Variants in SPSB1 observed in about 807,000 individuals in gnomAD.
SPSB1 encodes the protein SPRY domain-containing SOCS box protein 1.
In SPSB1, 8 loss-of-function variants were observed where a neutral mutation model predicts 21.2. That is an observed-to-expected ratio of 0.38 (90% CI 0.22 to 0.68). SPSB1 has a LOEUF of 0.68. SPSB1 is among the 30% of genes least tolerant of loss of function. The pLI, the probability that SPSB1 is intolerant of heterozygous loss-of-function variation, is 0.53. For missense variants in SPSB1, 242 were observed against 377.8 expected (o/e 0.64, Z 2.98); for synonymous variants, 169 against 161.7 (o/e 1.05, Z -0.34).
rs34507567 is a variant in SPSB1 at position 9,311,160 on chromosome 1, GTTT to G, written c.-150+18105_-150+18107del. Among the ~76,000 whole-genome samples, 242 of 133,550 alleles carry G rather than the reference GTTT, an allele frequency of 1.8e-3. 1 individual carries two copies. Among genetic ancestry groups the G allele is most frequent in the African/African-American group, 5.8e-3 (206 of 35,340 alleles). 87.6% of individuals were successfully genotyped at this position (133,550 alleles called of 152,430 possible). A position where few individuals can be genotyped will look rare whatever the true frequency, so the allele number is the denominator to read the frequency against. Reference sequence around the variant, plus strand: ...GTGTCTAGACAGCGCAGGATAAAGGGTTTTTTTTTTTTTTTTTTAATGCCTTCA... The same window carrying G: ...GTGTCTAGACAGCGCAGGATAAAGGGTTTTTTTTTTTTTTTAATGCCTTCA... On this transcript the variant is annotated intron_variant, in intron 1 of 2. Coordinates refer to ENST00000328089, the MANE Select transcript of SPSB1 (RefSeq NM_025106.4).
chr1:9,313,689 G>A (rs1246599782), intron 1 of SPSB1, among the ~76,000 whole-genome samples: 3 of 152,336 alleles, frequency 2.0e-5, no homozygotes, highest in Non-Finnish European at 4.4e-5. Context: ...AGTGAGCACA[G>A]GCAGGAAGGT....
Position 9,346,420 on chromosome 1 carries a change from G to C in SPSB1, c.-149-9323G>C, listed in dbSNP as rs1219161036. 6.6e-6 allele frequency among the ~76,000 whole-genome samples: 1 copy of C among 152,192 alleles called. No individual in the cohort carries two copies. Among genetic ancestry groups the C allele is most frequent in the Admixed American group, 6.5e-5 (1 of 15,284 alleles). ...ACCCACCTCTGTGCATCCTTTACCTGCCCTTTCTGTCTGTCTGTCCCCAGT... is the reference window on the plus strand; with the variant it reads ...ACCCACCTCTGTGCATCCTTTACCTCCCCTTTCTGTCTGTCTGTCCCCAGT... On this transcript the variant is annotated intron_variant, in intron 1 of 2. Coordinates refer to ENST00000328089, the MANE Select transcript of SPSB1 (RefSeq NM_025106.4). The surrounding 1 kb of genome is among the most constrained non-coding windows in gnomAD (Gnocchi z 4.4).
At position 9,293,956 on chromosome 1, in the gene SPSB1, GTGTA is replaced by G. The variant is rs1007954732; in HGVS notation, c.-150+887_-150+890del. The stretch of plus-strand genomic sequence containing the variant: ...TGTGAGTGTGTCTCTAAGTGCATCT[GTGTA>G]TTTATGTGCCTCTGAGTGTGTGTGT... On this transcript the variant is annotated intron_variant, in intron 1 of 2. Coordinates refer to ENST00000328089, the MANE Select transcript of SPSB1 (RefSeq NM_025106.4). This position sits in a 1 kb window ranked among gnomAD's most constrained non-coding sequence, Gnocchi z 5.1. Among the ~76,000 whole-genome samples the G allele has an allele frequency of 1.3e-4, 20 of 152,040 alleles. No individual in the cohort carries two copies. The highest frequency in any genetic ancestry group is 4.8e-4 in the African/African-American group (20 of 41,382).
intron 2 of SPSB1, among the ~76,000 whole-genome samples, chr1:9,359,375 G>C (rs571405398): frequency 6.6e-6 from 1 of 152,320 alleles, no homozygotes; most frequent in South Asian, 2.1e-4. Flanking sequence ...CGACACCTCT[G>C]GACGCTTATT....
rs557118972 is a variant in SPSB1, at chr1:9,363,651, T to G, written c.695-3797T>G. ...GGGCTGCGGTGTCAGCCACTCAAAA[T>G]AAGGCACTGGATGGAGCTGGGGGCT... is the stretch of plus-strand genomic sequence containing the variant. On this transcript the variant is annotated intron_variant, in intron 2 of 2. Transcript: ENST00000328089. The surrounding 1 kb of genome is among the most constrained non-coding windows in gnomAD (Gnocchi z 4.5). 6.6e-6 allele frequency among the ~76,000 whole-genome samples: 1 copy of G among 152,122 alleles called. No homozygotes were observed. Among genetic ancestry groups the G allele is most frequent in the East Asian group, 1.9e-4 (1 of 5,178 alleles).
intron 1 of SPSB1, among the ~76,000 whole-genome samples, chr1:9,326,637 C>T (rs939042910): frequency 2.0e-5 from 3 of 152,208 alleles, no homozygotes; most frequent in Admixed American, 6.5e-5. Context: ...GCTGAGGCTC[C>T]TGTGCCCCGT....
chr1:9,322,651 C>T (rs1211801167), intron 1 of SPSB1, among the ~76,000 whole-genome samples: 1 of 152,126 alleles, frequency 6.6e-6, no homozygotes, highest in Non-Finnish European at 1.5e-5. Context: ...AATCTTGGGC[C>T]AGATTCTGGG....
At chr1:9,343,902 C>T (rs998639846) in intron 1 of SPSB1, among the ~76,000 whole-genome samples, 2 of 152,188 alleles carry the variant, frequency 1.3e-5, no homozygotes, top group African/African-American at 4.8e-5. Context: ...TCTCCTGCCT[C>T]AGCCTCCCAA....
Position 9,293,430 on chromosome 1 carries a change from G to T in SPSB1, c.-150+359G>T, listed in dbSNP as rs1424136689. On this transcript the variant is annotated intron_variant, in intron 1 of 2. Transcript: ENST00000328089. The surrounding 1 kb of genome is among the most constrained non-coding windows in gnomAD (Gnocchi z 5.1). ...CCCGAGGAGGGGCTGGGGCGCTCCG[G>T]GGCCGCCGACCCGTCCCCCCTTTAG... Among the ~76,000 whole-genome samples the T allele has an allele frequency of 2.0e-5, 3 of 151,598 alleles. No homozygotes were observed. The highest frequency in any genetic ancestry group is 4.4e-5 in the Non-Finnish European group (3 of 67,742).
At chr1:9,365,102 C>G (rs1442097522) in intron 2 of SPSB1, among the ~76,000 whole-genome samples, 1 of 152,182 alleles carries the variant, frequency 6.6e-6, no homozygotes, top group Non-Finnish European at 1.5e-5. Context: ...GGTAATGCGC[C>G]GGCCTCGGCC....
Position 9,356,531 on chromosome 1 carries a change from A to C in SPSB1, c.640A>C (p.Ser214Arg). The C allele has an allele frequency of 6.2e-7, 1 of 1,607,770 alleles. No individual in the cohort carries two copies. Among genetic ancestry groups the C allele is most frequent in the Non-Finnish European group, 8.5e-7 (1 of 1,174,908 alleles). Residue 214 changes from serine (S) to arginine (R), a missense_variant, in exon 2 of 3, where the codon AGT (serine) becomes CGT (arginine). Coordinates refer to ENST00000328089, the MANE Select transcript of SPSB1 (RefSeq NM_025106.4). This position sits in a 1 kb window ranked among gnomAD's most constrained non-coding sequence, Gnocchi z 7.4. ...LKGKKLYPVV[S>R]AVWGHCEIRM... ...GGGCAAAAAACTGTATCCTGTAGTGAGTGCCGTCTGGGGCCACTGTGAGAT... is the reference window on the plus strand; with the variant it reads ...GGGCAAAAAACTGTATCCTGTAGTGCGTGCCGTCTGGGGCCACTGTGAGAT...
intron 1 of SPSB1, among the ~76,000 whole-genome samples, chr1:9,347,549 C>A (rs1640182536): frequency 1.3e-5 from 2 of 152,196 alleles, no homozygotes; most frequent in Non-Finnish European, 2.9e-5. Flanking sequence ...CAGAGAGAAT[C>A]TTTTTAAATT....
At chr1:9,359,809 C>T (rs965003196) in intron 2 of SPSB1, among the ~76,000 whole-genome samples, 2 of 81,034 alleles carry the variant, frequency 2.5e-5, no homozygotes, top group Non-Finnish European at 4.6e-5. Flanking sequence ...AGGCTTGTCC[C>T]GGTGAGAGGT....
At chr1:9,307,365 G>A (rs922636980) in intron 1 of SPSB1, among the ~76,000 whole-genome samples, 6 of 152,240 alleles carry the variant, frequency 3.9e-5, no homozygotes, top group Admixed American at 6.5e-5. Flanking sequence ...TCATCCCGCC[G>A]GAAGGAAACC....
At chr1:9,326,407 G>A (rs949904092) in intron 1 of SPSB1, among the ~76,000 whole-genome samples, 1 of 152,228 alleles carries the variant, frequency 6.6e-6, no homozygotes, top group African/African-American at 2.4e-5. Context: ...TCAGTGGGTG[G>A]TGTCGGAGGA....
intron 2 of SPSB1, among the ~76,000 whole-genome samples, chr1:9,358,502 G>C (rs529501629): frequency 1.3e-5 from 2 of 152,204 alleles, no homozygotes; most frequent in Non-Finnish European, 2.9e-5. Context: ...CACGTCCACA[G>C]CCAAATTTGC....
At chr1:9,365,101 C>CCGGCCT (rs1251852974) in intron 2 of SPSB1, among the ~76,000 whole-genome samples, 3 of 152,222 alleles carry the variant, frequency 2.0e-5, no homozygotes, top group Non-Finnish European at 2.9e-5. Context: ...AGGTAATGCG[C>CCGGCCT]CGGCCTCGGC....
At chr1:9,340,680 C>T (rs1414276799) in intron 1 of SPSB1, among the ~76,000 whole-genome samples, 2 of 152,358 alleles carry the variant, frequency 1.3e-5, no homozygotes, top group East Asian at 1.9e-4. Flanking sequence ...GTGATGTGGC[C>T]GGCCTTCCCT....
In SPSB1 at chr1:9,367,705, C is replaced by T; in HGVS notation, c.*130C>T. 1.5e-6 allele frequency: 2 copies of T among 1,378,902 alleles called. No homozygotes were observed. The highest frequency in any genetic ancestry group is 1.5e-5 in the South Asian group (1 of 67,274). The allele number at this position is 1,378,902 out of a possible 1,614,324, so 85.4% of individuals were successfully genotyped here. A position where few individuals can be genotyped will look rare whatever the true frequency, so the allele number is the denominator to read the frequency against. ...CATGGACAGAGGTCCCTGGTCTTCC[C>T]TCATCCTCCGTGGCTGCCTCCATGG... On this transcript the variant is annotated 3_prime_UTR_variant, in exon 3 of 3. Coordinates refer to ENST00000328089, the MANE Select transcript of SPSB1 (RefSeq NM_025106.4). This position sits in a 1 kb window ranked among gnomAD's most constrained non-coding sequence, Gnocchi z 5.9.
Sources: gnomAD v4.1 joint callset for allele counts (sites outside exome capture counted in the v4.1 genomes callset) on GRCh38, gnomAD v4.1.1 for gene constraint, Gnocchi (gnomAD v3.1) non-coding constraint, MANE v1.5 for transcripts, NCBI Gene and HGNC (gene_info 2026-07-23, HGNC 2026-07-21) for gene names.